Variants in POLB observed in about 807,000 individuals in gnomAD.
The protein encoded by POLB is DNA polymerase beta.
In POLB, 37 loss-of-function variants were observed where a neutral mutation model predicts 52.7. That is an observed-to-expected ratio of 0.70 (90% confidence interval 0.54 to 0.92). POLB has a LOEUF of 0.92. Among genes scored for constraint, POLB ranks in the 40% least tolerant of loss-of-function variants. The probability of loss-of-function intolerance (pLI) is 0.00; values close to 1 mark genes in which losing one functional copy is unlikely to be tolerated. For missense variants in POLB, 313 were observed against 400.8 expected, an observed-to-expected ratio of 0.78 and a Z score of 1.87; for synonymous variants, 138 against 131.3, an observed-to-expected ratio of 1.05 and a Z score of -0.35.
chr8:42,362,064 C>T (rs1390041050), intron 10 of POLB, among the ~76,000 whole-genome samples: 1 of 152,070 alleles, frequency 6.6e-6, no homozygotes, highest in African/African-American at 2.4e-5. Context: ...AGATCAAGAC[C>T]ATCCTGCCCA....
intron 2 of POLB, chr8:42,342,322 A>C: frequency 6.6e-7 from 1 of 1,521,786 alleles, no homozygotes; most frequent in Non-Finnish European, 9.0e-7. Flanking sequence ...CCTGTGGGCC[A>C]GCAGCAGGCC....
chr8:42,342,706 A>C, intron 2 of POLB: 1 of 451,976 alleles, frequency 2.2e-6, no homozygotes, highest in Non-Finnish European at 4.0e-6. Context: ...TTAAAAACTG[A>C]TGTAGGGGCC....
rs1333444823 is a variant in POLB at position 42,355,580 on chromosome 8, A to G, written c.422+13A>G. Reference sequence around the variant, plus strand: ...GAATTGGGCTGAAGTAAGATGGCAGATTTTCTTTTGACACTTGAGATATAA... The same window carrying G: ...GAATTGGGCTGAAGTAAGATGGCAGGTTTTCTTTTGACACTTGAGATATAA... On this transcript the variant is annotated intron_variant, in intron 7 of 13. Transcript: ENST00000265421. The G allele has an allele frequency of 6.4e-7, 1 of 1,563,398 alleles. No homozygotes were observed.
intron 9 of POLB, among the ~76,000 whole-genome samples, chr8:42,360,493 A>G (rs528132704): frequency 1.6e-4 from 25 of 152,308 alleles, no homozygotes; most frequent in African/African-American, 6.0e-4. Flanking sequence ...TTATTTACTT[A>G]CACAATAGCA....
intron 1 of POLB, 112 bp downstream of exon 1, chr8:42,338,797 G>A (rs1027805439): frequency 8.5e-7 from 1 of 1,176,344 alleles, no homozygotes; most frequent in African/African-American, 1.5e-5. Flanking sequence ...TCCTTGCAGC[G>A]GGTCGTCTTC....
chr8:42,365,617 C>T (rs1823989503), intron 11 of POLB, among the ~76,000 whole-genome samples: 1 of 152,208 alleles, frequency 6.6e-6, no homozygotes, highest in Non-Finnish European at 1.5e-5. Context: ...AGTATCATCC[C>T]TGTGAAAGTC....
intron 11 of POLB, among the ~76,000 whole-genome samples, chr8:42,363,283 C>G (rs979063425): frequency 2.0e-5 from 3 of 151,770 alleles, no homozygotes; most frequent in Admixed American, 6.6e-5. Flanking sequence ...AGTCCCAGCT[C>G]TTTGGGAGGC....
intron 11 of POLB, 27 bp downstream of exon 11, chr8:42,362,725 C>A (rs1161534704): frequency 2.2e-6 from 3 of 1,346,214 alleles, no homozygotes; most frequent in Middle Eastern, 1.8e-4. Context: ...GTTAGCACAT[C>A]TAAAAAAAAA....
chr8:42,340,113 CTG>C (rs1822107240), intron 2 of POLB: 1 of 152,236 alleles, frequency 6.6e-6, no homozygotes, highest in African/African-American at 2.4e-5. Context: ...ATTGGACTCT[CTG>C]TGGCATTCAC....
intron 2 of POLB, chr8:42,339,293 A>G (rs1822046628): frequency 1.8e-6 from 1 of 546,928 alleles, no homozygotes; most frequent in Non-Finnish European, 3.3e-6. Context: ...CTGTAGCCTG[A>G]TACGTATTTT....
chr8:42,357,043 T>G, intron 7 of POLB, 126 bp from the exon 8 acceptor site: 4 of 620,378 alleles, frequency 6.4e-6, no homozygotes, highest in Non-Finnish European at 1.1e-5. Flanking sequence ...AGTGAATTCA[T>G]TCTAGCCTTG....
At chr8:42,360,770 G>T (rs1473166039) in intron 9 of POLB, among the ~76,000 whole-genome samples, 1 of 151,756 alleles carries the variant, frequency 6.6e-6, no homozygotes, top group Non-Finnish European at 1.5e-5. Flanking sequence ...AAAAGAGAGT[G>T]CCTGGATCTC....
intron 9 of POLB, among the ~76,000 whole-genome samples, chr8:42,358,241 G>A (rs1311416333): frequency 2.0e-5 from 3 of 151,878 alleles, no homozygotes; most frequent in African/African-American, 2.4e-5. Context: ...GGTGGCTCAC[G>A]CCTATAATCC....
At chr8:42,338,871 C>G (rs1040313208) in intron 1 of POLB, 141 bp from the exon 2 acceptor site, 1 of 931,714 alleles carries the variant, frequency 1.1e-6, no homozygotes, top group African/African-American at 1.6e-5. Flanking sequence ...CCTGGGCCAT[C>G]GCTTGGGCTG....
At chr8:42,344,880 TG>T in intron 2 of POLB, 72 bp from the exon 3 acceptor site, 1 of 858,074 alleles carries the variant, frequency 1.2e-6, no homozygotes, top group East Asian at 2.4e-5. Context: ...TGCTTGTATA[TG>T]TATTCCAGTT....
chr8:42,339,178 G>A (rs1822039299), intron 2 of POLB, 109 bp downstream of exon 2: 3 of 860,496 alleles, frequency 3.5e-6, no homozygotes, highest in East Asian at 2.5e-5. Flanking sequence ...CTGCAAGAGC[G>A]GGAAAAAGCA....
At chr8:42,344,469 C>CAA (rs1247235035) in intron 2 of POLB, among the ~76,000 whole-genome samples, 3 of 105,486 alleles carry the variant, frequency 2.8e-5, no homozygotes, top group Non-Finnish European at 4.0e-5. Flanking sequence ...AACTCCATCT[C>CAA]AAAAAAAAAA....
intron 6 of POLB, chr8:42,354,480 TAATATG>T: frequency 1.6e-6 from 2 of 1,275,504 alleles, no homozygotes; most frequent in Non-Finnish European, 2.0e-6. Flanking sequence ...CTTTTAGACT[TAATATG>T]GGATGTTATG....
At chr8:42,355,327 C>T (rs899452016) in intron 6 of POLB, 189 bp from the exon 7 acceptor site, 4 of 463,248 alleles carry the variant, frequency 8.6e-6, no homozygotes, top group Non-Finnish European at 1.6e-5. Flanking sequence ...TGTGAGCCAC[C>T]ACGCCTGGCC....
Sources: allele counts gnomAD v4.1 joint callset (sites outside exome capture counted in the v4.1 genomes callset), GRCh38; gene constraint gnomAD v4.1.1; transcripts MANE v1.5; gene names NCBI Gene and HGNC (gene_info 2026-07-23, HGNC 2026-07-21).